The following KIAA0319L variants were observed in gnomAD, a reference collection of about 807,000 sequenced individuals.
KIAA0319L encodes the protein KIAA0319 like.
A neutral mutation model predicts 120.1 loss-of-function variants in KIAA0319L; 55 were observed. The ratio of observed to expected loss-of-function variants is 0.46; its 90% confidence interval spans 0.37 to 0.57. KIAA0319L has a LOEUF of 0.57. Ranked by LOEUF, KIAA0319L falls within the 20% of genes least tolerant of loss-of-function variation. KIAA0319L has a pLI of 0.00. For synonymous variants in KIAA0319L, 398 were observed against 471.9 expected (o/e 0.84, Z 2.03); for missense variants, 1,049 against 1,255.3 (o/e 0.84, Z 2.48).
chr1:35,551,339 A>G (rs1272337621), intron 2 of KIAA0319L, among the ~76,000 whole-genome samples: 3 of 152,030 alleles, frequency 2.0e-5, no homozygotes, highest in Non-Finnish European at 4.4e-5. Context: ...TTCCTTTCAG[A>G]TGGAGTCTCG....
intron 2 of KIAA0319L, among the ~76,000 whole-genome samples, chr1:35,516,778 T>C (rs1407009574): frequency 6.6e-6 from 1 of 152,140 alleles, no homozygotes; most frequent in Admixed American, 6.6e-5. Context: ...CCTGTTTGCA[T>C]TCAACATGAT....
chr1:35,536,439 C>T (rs893781907), intron 2 of KIAA0319L, among the ~76,000 whole-genome samples: 1 of 152,230 alleles, frequency 6.6e-6, no homozygotes, highest in African/African-American at 2.4e-5. Context: ...AACAAAGCAA[C>T]AGTGGAGAAT....
intron 2 of KIAA0319L, among the ~76,000 whole-genome samples, chr1:35,520,841 AT>A (rs1222651559): frequency 6.6e-6 from 1 of 152,240 alleles, no homozygotes; most frequent in African/African-American, 2.4e-5. Context: ...TTAAAAGACA[AT>A]AAATATGTAG....
At chr1:35,451,324 C>T (rs1642047843) in intron 13 of KIAA0319L, among the ~76,000 whole-genome samples, 1 of 151,966 alleles carries the variant, frequency 6.6e-6, no homozygotes, top group African/African-American at 2.4e-5. Context: ...AAGAATAGAA[C>T]CCTTAATTCT....
chr1:35,516,038 C>G (rs568894912), intron 2 of KIAA0319L, among the ~76,000 whole-genome samples: 14 of 152,116 alleles, frequency 9.2e-5, no homozygotes, highest in Non-Finnish European at 1.3e-4. Context: ...ATAATGAGCT[C>G]TAAAACTGAA....
intron 7 of KIAA0319L, among the ~76,000 whole-genome samples, chr1:35,464,344 G>A (rs577690235): frequency 4.4e-4 from 67 of 152,320 alleles, no homozygotes; most frequent in African/African-American, 1.5e-3. Flanking sequence ...TGAGGAAATT[G>A]TTGGGAACTG....
At chr1:35,556,792 C>G (rs150052540) in intron 1 of KIAA0319L, 3 of 152,302 alleles carry the variant, frequency 2.0e-5, no homozygotes, top group African/African-American at 7.2e-5. Context: ...GTGGATGAGG[C>G]AGGTTTCACA....
Position 35,484,787 on chromosome 1 carries a change from TATATATATATATATATA to T in KIAA0319L, c.667-5592_667-5576del, listed in dbSNP as rs1432871713. Among the ~76,000 whole-genome samples the T allele has an allele frequency of 6.6e-3, 439 of 66,456 alleles. 21 individuals are homozygous for T. Among genetic ancestry groups the T allele is most frequent in the East Asian group, 0.062 (211 of 3,426 alleles). The allele number at this position is 66,456 out of a possible 152,430, so 43.6% of individuals were successfully genotyped here. On this transcript the variant is annotated intron_variant, in intron 3 of 20. Coordinates refer to ENST00000325722, the MANE Select transcript of KIAA0319L (RefSeq NM_024874.5). ...TTAATCATATATATATATATATATA[TATATATATATATATATA>T]TATTTTTTTTTTTATTATACTCTAA...
chr1:35,520,484 C>T (rs1645867963), intron 2 of KIAA0319L, among the ~76,000 whole-genome samples: 1 of 151,928 alleles, frequency 6.6e-6, no homozygotes. Flanking sequence ...GCCTCAAATT[C>T]CTAGGCTCAA....
chr1:35,530,823 T>C (rs115598763), intron 2 of KIAA0319L, among the ~76,000 whole-genome samples: 2,361 of 152,200 alleles, frequency 0.016, 67 homozygotes, highest in African/African-American at 0.054. Flanking sequence ...GTAGTCTCCA[T>C]ACGATTTCTT....
intron 2 of KIAA0319L, among the ~76,000 whole-genome samples, chr1:35,537,772 A>G (rs1365807990): frequency 2.0e-5 from 3 of 152,168 alleles, no homozygotes; most frequent in Non-Finnish European, 4.4e-5. Flanking sequence ...TGTGTAAATG[A>G]AAGCAAAACT....
chr1:35,486,209 C>T (rs1022595012), intron 3 of KIAA0319L, among the ~76,000 whole-genome samples: 1 of 151,664 alleles, frequency 6.6e-6, no homozygotes, highest in Non-Finnish European at 1.5e-5. Flanking sequence ...ATAGTGAGAC[C>T]CCGTGTCTAC....
At chr1:35,545,388 G>C (rs759397450) in intron 2 of KIAA0319L, among the ~76,000 whole-genome samples, 6 of 152,136 alleles carry the variant, frequency 3.9e-5, no homozygotes, top group African/African-American at 9.7e-5. Flanking sequence ...CAAAGCCTAA[G>C]GCCACACAGA....
chr1:35,505,309 T>G (rs1645167656), intron 3 of KIAA0319L, among the ~76,000 whole-genome samples: 1 of 152,192 alleles, frequency 6.6e-6, no homozygotes, highest in Non-Finnish European at 1.5e-5. Context: ...TGACCGAGCC[T>G]TTACATACAC....
At chr1:35,553,224 T>TC (rs1054909487) in intron 2 of KIAA0319L, among the ~76,000 whole-genome samples, 1 of 152,146 alleles carries the variant, frequency 6.6e-6, no homozygotes, top group African/African-American at 2.4e-5. Flanking sequence ...AGACCCCATC[T>TC]CTTTTTTTTA....
intron 20 of KIAA0319L, 62 bp downstream of exon 20, chr1:35,440,985 G>T: frequency 1.5e-6 from 2 of 1,294,634 alleles, no homozygotes; most frequent in Non-Finnish European, 2.3e-6. Flanking sequence ...AGGGGCTAGT[G>T]ACAGCAGCCT....
intron 2 of KIAA0319L, among the ~76,000 whole-genome samples, chr1:35,545,036 G>C (rs924714479): frequency 1.3e-5 from 2 of 152,178 alleles, no homozygotes; most frequent in African/African-American, 4.8e-5. Flanking sequence ...GAAGGTGAGG[G>C]GTAAGAATTT....
At chr1:35,499,873 C>T (rs774712261) in intron 3 of KIAA0319L, among the ~76,000 whole-genome samples, 18 of 151,902 alleles carry the variant, frequency 1.2e-4, no homozygotes, top group African/African-American at 3.1e-4. Context: ...TCATCAGTTA[C>T]GTAAGATTAT....
intron 2 of KIAA0319L, among the ~76,000 whole-genome samples, chr1:35,512,616 C>G (rs1645498260): frequency 6.6e-6 from 1 of 151,996 alleles, no homozygotes; most frequent in African/African-American, 2.4e-5. Context: ...TGCCTGTAAT[C>G]CCAGCACTTT....
Sources: allele counts gnomAD v4.1 joint callset (sites outside exome capture counted in the v4.1 genomes callset), GRCh38; gene constraint gnomAD v4.1.1; transcripts MANE v1.5; gene names NCBI Gene and HGNC (gene_info 2026-07-23, HGNC 2026-07-21).